Variants in ARID3A observed in about 807,000 individuals in gnomAD.
ARID3A encodes AT-rich interactive domain-containing protein 3A.
In ARID3A, 11 loss-of-function variants were observed where a neutral mutation model predicts 52.7. That is an observed-to-expected ratio of 0.21 (90% confidence interval 0.13 to 0.35). ARID3A has a LOEUF of 0.35. Among genes scored for constraint, ARID3A ranks in the 10% least tolerant of loss-of-function variants. The pLI is 1.00. For synonymous variants in ARID3A, 404 were observed against 359.4 expected, an observed-to-expected ratio of 1.12 and a Z score of -1.40; for missense variants, 721 against 838.5, an observed-to-expected ratio of 0.86 and a Z score of 1.73.
At position 972,725 on chromosome 19, in the gene ARID3A, G is replaced by A. The variant is rs186339958; in HGVS notation, c.*660G>A. 1 of 168,410 alleles carries A rather than the reference G, an allele frequency of 5.9e-6. No individual in the cohort carries two copies. The highest frequency in any genetic ancestry group is 8.5e-5 in the Admixed American group (1 of 11,824). 10.4% of individuals were successfully genotyped at this position (168,410 alleles called of 1,614,324 possible). A position where few individuals can be genotyped will look rare whatever the true frequency, so the allele number is the denominator to read the frequency against. Reference sequence around the variant, plus strand: ...TGGGGGGATCAAACCTTAGGAAAAGGATATCTATATATCTATATAGCTATA... The same window carrying A: ...TGGGGGGATCAAACCTTAGGAAAAGAATATCTATATATCTATATAGCTATA... On this transcript the variant is annotated 3_prime_UTR_variant, in exon 9 of 9. Coordinates refer to ENST00000263620, the MANE Select transcript of ARID3A (RefSeq NM_005224.3).
At chr19:939,768 C>T (rs1015910850) in intron 3 of ARID3A, among the ~76,000 whole-genome samples, 15 of 152,286 alleles carry the variant, frequency 9.8e-5, no homozygotes, top group East Asian at 3.9e-4. Context: ...ACACTTCCCT[C>T]GGTCATTTCC....
rs1347010214 is a variant in ARID3A, at chr19:944,684, G to A, written c.693+11942G>A. On this transcript the variant is annotated intron_variant, in intron 3 of 8. Coordinates refer to ENST00000263620, the MANE Select transcript of ARID3A (RefSeq NM_005224.3). The surrounding 1 kb of genome is among the most constrained non-coding windows in gnomAD (Gnocchi z 5.9). ...GCTGTCACCCAGGCTGGAGTGCCGC[G>A]GTGCAGTCATAGCTCACTGCAGCCT... Among the ~76,000 whole-genome samples the A allele has an allele frequency of 6.6e-6, 1 of 152,182 alleles. No homozygotes were observed. Among genetic ancestry groups the A allele is most frequent in the East Asian group, 1.9e-4 (1 of 5,192 alleles).
At position 929,445 on chromosome 19, in the gene ARID3A, CCGCAGGGGCCG is replaced by C; in HGVS notation, c.-82_-72del. The C allele has an allele frequency of 1.6e-6, 2 of 1,266,450 alleles. No homozygotes were observed. The highest frequency in any genetic ancestry group is 2.0e-6 in the Non-Finnish European group (2 of 1,001,632). The allele number at this position is 1,266,450 out of a possible 1,614,324, so 78.5% of individuals were successfully genotyped here. On this transcript the variant is annotated 5_prime_UTR_variant, in exon 2 of 9. Transcript: ENST00000263620. The surrounding 1 kb of genome is among the most constrained non-coding windows in gnomAD (Gnocchi z 6.2). The stretch of plus-strand genomic sequence containing the variant: ...GCTGCAGTGCGGCCGGGCCCCCTCC[CCGCAGGGGCCG>C]CCCCCGCCGCCCACCCCTAGCGCCC...
intron 3 of ARID3A, among the ~76,000 whole-genome samples, chr19:945,190 C>G (rs956228406): frequency 6.6e-6 from 1 of 152,228 alleles, no homozygotes; most frequent in Non-Finnish European, 1.5e-5. Flanking sequence ...CACCAACATG[C>G]AGAGATCCCA....
Position 959,987 on chromosome 19 carries a change from G to A in ARID3A, c.694-105G>A. ...GCGGCTTGAGGGTCCTAGGGGTGGT[G>A]ACCCCTGCTCCTGTCCTCCTGACCT... On this transcript the variant is annotated intron_variant, in intron 3 of 8. Transcript: ENST00000263620. This position sits in a 1 kb window ranked among gnomAD's most constrained non-coding sequence, Gnocchi z 5.0. The A allele has an allele frequency of 1.1e-6, 1 of 935,622 alleles. No homozygotes were observed. The allele number at this position is 935,622 out of a possible 1,614,324, so 58.0% of individuals were successfully genotyped here. A position where few individuals can be genotyped will look rare whatever the true frequency, so the allele number is the denominator to read the frequency against.
At chr19:939,187 C>T (rs981781264) in intron 3 of ARID3A, among the ~76,000 whole-genome samples, 3 of 151,928 alleles carry the variant, frequency 2.0e-5, no homozygotes, top group Admixed American at 6.6e-5. Flanking sequence ...GGCGCCATCT[C>T]GGCTCACTGC....
chr19:958,438 A>G (rs1423756697), intron 3 of ARID3A, among the ~76,000 whole-genome samples: 1 of 151,632 alleles, frequency 6.6e-6, no homozygotes, highest in Admixed American at 6.6e-5. Context: ...AAAAAAAAAA[A>G]AAAAAAAGAA....
At chr19:927,431 C>G (rs1269874998) in intron 1 of ARID3A, among the ~76,000 whole-genome samples, 11 of 151,810 alleles carry the variant, frequency 7.2e-5, no homozygotes, top group Non-Finnish European at 1.5e-4. Context: ...CCTCCACCGG[C>G]CCCAACGTGG....
chr19:926,449 G>GC (rs530418693), intron 1 of ARID3A, among the ~76,000 whole-genome samples: 218 of 149,608 alleles, frequency 1.5e-3, no homozygotes, highest in Non-Finnish European at 2.0e-3. Flanking sequence ...GCGAGTGCGC[G>GC]CCCCCCCCTC....
chr19:966,629 G>A lies in ARID3A; in HGVS notation c.1256G>A (p.Gly419Asp). ...GGCCGCCTGCCTGTGTCCCTGGCGG[G>A]CCACCCTGTGGTGGCAGCCCAGGCA... is the stretch of plus-strand genomic sequence containing the variant. ...VPGRLPVSLA[G>D]HPVVAAQAAA... The change falls in exon 7 of 9, where the codon GGC (glycine) becomes GAC (aspartate). Residue 419 changes from glycine (G) to aspartate (D), a missense_variant. Coordinates refer to ENST00000263620, the MANE Select transcript of ARID3A (RefSeq NM_005224.3). 1 of 1,597,502 alleles carries A rather than the reference G, an allele frequency of 6.3e-7. No individual in the cohort carries two copies. The highest frequency in any genetic ancestry group is 8.6e-7 in the Non-Finnish European group (1 of 1,167,964).
chr19:948,955 C>T (rs775719913), intron 3 of ARID3A, among the ~76,000 whole-genome samples: 1 of 152,036 alleles, frequency 6.6e-6, no homozygotes, highest in Non-Finnish European at 1.5e-5. Flanking sequence ...GTGATCCGCC[C>T]GCCTCGGCCT....
intron 3 of ARID3A, among the ~76,000 whole-genome samples, 176 bp downstream of exon 3, chr19:932,918 G>T (rs1020367829): frequency 2.6e-5 from 4 of 152,230 alleles, no homozygotes; most frequent in Non-Finnish European, 5.9e-5. Flanking sequence ...TCGACCAGCT[G>T]GCTGTTCATT....
chr19:968,683 C>T (rs1284987381), intron 8 of ARID3A, 180 bp downstream of exon 8: 11 of 583,056 alleles, frequency 1.9e-5, no homozygotes, highest in Admixed American at 6.1e-5. Context: ...ATCGTTCACC[C>T]GGTACCACGC....
In ARID3A at chr19:964,233, C is replaced by T. The variant is rs73492624; in HGVS notation, c.767-15C>T. The T allele has an allele frequency of 2.6e-3, 4,179 of 1,602,078 alleles. 103 individuals carry two copies. In the African/African-American group the frequency reaches 0.047, roughly 18 times the overall value. On this transcript the variant is annotated splice_polypyrimidine_tract_variant and intron_variant, in intron 4 of 8. Coordinates refer to ENST00000263620, the MANE Select transcript of ARID3A (RefSeq NM_005224.3). The surrounding 1 kb of genome is among the most constrained non-coding windows in gnomAD (Gnocchi z 5.7). ...CCCAGGTGGCCCCCAACCTCCCTCT[C>T]GCCCCTTCCCCCAGGGACACCTGTG... is the stretch of plus-strand genomic sequence containing the variant.
At position 933,600 on chromosome 19, in the gene ARID3A, C is replaced by A. The variant is rs993064736; in HGVS notation, c.693+858C>A. On this transcript the variant is annotated intron_variant, in intron 3 of 8. Transcript: ENST00000263620. ...CTGGGACATGCCTGCCTCGGGGCAGCCCCTTCGGCCCTGGGCTTCCAGAAT... is the reference window on the plus strand; with the variant it reads ...CTGGGACATGCCTGCCTCGGGGCAGACCCTTCGGCCCTGGGCTTCCAGAAT... 3.3e-5 allele frequency among the ~76,000 whole-genome samples: 5 copies of A among 152,242 alleles called. No individual in the cohort carries two copies. In the South Asian group the frequency reaches 1.0e-3, roughly 31 times the overall value.
intron 4 of ARID3A, among the ~76,000 whole-genome samples, chr19:961,338 T>G (rs949467868): frequency 6.6e-6 from 1 of 152,020 alleles, no homozygotes; most frequent in Admixed American, 6.5e-5. Flanking sequence ...TGGCCCACAC[T>G]GCCCAGCGGC....
chr19:969,724 G>C (rs1286709175), intron 8 of ARID3A, among the ~76,000 whole-genome samples: 1 of 147,602 alleles, frequency 6.8e-6, no homozygotes, highest in Admixed American at 6.8e-5. Flanking sequence ...TCTTCCCTCT[G>C]TCACCCAGGC....
chr19:928,914 G>A (rs924878063), intron 1 of ARID3A: 2 of 152,230 alleles, frequency 1.3e-5, no homozygotes, highest in Non-Finnish European at 2.9e-5. Flanking sequence ...CTCAGGCAGC[G>A]ACTGGAACTT....
rs533633220 is a variant in ARID3A, at chr19:960,681, A to G, written c.766+517A>G. 2.6e-5 allele frequency among the ~76,000 whole-genome samples: 4 copies of G among 152,198 alleles called. No individual in the cohort carries two copies. The highest frequency in any genetic ancestry group is 4.1e-4 in the South Asian group (2 of 4,822). Reference sequence around the variant, plus strand: ...CCTCCCCTCTTCCCACCAGGGCCTCAGTTTCCCCATCTGTAAAAACGGGCC... The same window carrying G: ...CCTCCCCTCTTCCCACCAGGGCCTCGGTTTCCCCATCTGTAAAAACGGGCC... On this transcript the variant is annotated intron_variant, in intron 4 of 8. Transcript: ENST00000263620. This position sits in a 1 kb window ranked among gnomAD's most constrained non-coding sequence, Gnocchi z 4.3.
Sources: allele counts gnomAD v4.1 joint callset (sites outside exome capture counted in the v4.1 genomes callset), GRCh38; gene constraint gnomAD v4.1.1; non-coding constraint Gnocchi (gnomAD v3.1); transcripts MANE v1.5; gene names NCBI Gene and HGNC (gene_info 2026-07-23, HGNC 2026-07-21).